Variants in ADGRB3 observed in about 807,000 individuals in gnomAD.
ADGRB3 encodes brain-specific angiogenesis inhibitor 3.
In ADGRB3, 37 loss-of-function variants were observed where a neutral mutation model predicts 193.4. The observed-to-expected ratio is 0.19, with a 90% CI of 0.15 to 0.25. The LOEUF is 0.25. Among genes scored for constraint, ADGRB3 ranks in the 10% least tolerant of loss-of-function variants. The pLI, the probability that ADGRB3 is intolerant of heterozygous loss-of-function variation, is 1.00. For synonymous variants in ADGRB3, 690 were observed against 644.2 expected (o/e 1.07, Z -1.08); for missense variants, 1,637 against 1,852.9 (o/e 0.88, Z 2.14).
At chr6:69,122,144 A>C (rs1773719986) in intron 17 of ADGRB3, among the ~76,000 whole-genome samples, 1 of 151,702 alleles carries the variant, frequency 6.6e-6, no homozygotes, top group African/African-American at 2.4e-5. Context: ...ACGCCACTGC[A>C]CTCCAGCCTG....
chr6:69,036,614 G>C (rs183492663), intron 13 of ADGRB3, among the ~76,000 whole-genome samples: 28 of 152,202 alleles, frequency 1.8e-4, no homozygotes, highest in African/African-American at 6.3e-4. Flanking sequence ...AGAAATGGGG[G>C]CTTGGATATC....
chr6:68,941,664 G>A (rs1030041746), intron 5 of ADGRB3, among the ~76,000 whole-genome samples: 1 of 141,830 alleles, frequency 7.1e-6, no homozygotes, highest in African/African-American at 3.1e-5. Flanking sequence ...AGGAGAAAAG[G>A]TTTTTAAAAT....
chr6:68,957,085 T>C (rs1768096983), intron 8 of ADGRB3, among the ~76,000 whole-genome samples: 1 of 152,188 alleles, frequency 6.6e-6, no homozygotes, highest in Non-Finnish European at 1.5e-5. Context: ...AATGAGAAGA[T>C]AAAGAAGTGT....
intron 20 of ADGRB3, among the ~76,000 whole-genome samples, chr6:69,264,232 A>T (rs1317376981): frequency 6.6e-6 from 1 of 152,040 alleles, no homozygotes; most frequent in East Asian, 1.9e-4. Context: ...CATGAAAGTT[A>T]AATAAAACTA....
intron 17 of ADGRB3, among the ~76,000 whole-genome samples, chr6:69,144,493 TAGAA>T (rs1052920099): frequency 6.6e-6 from 1 of 152,184 alleles, no homozygotes; most frequent in Non-Finnish European, 1.5e-5. Context: ...TTCCAGATCT[TAGAA>T]GGAAGGCTTT....
chr6:68,922,256 G>A (rs970048764), intron 3 of ADGRB3, among the ~76,000 whole-genome samples: 1 of 152,198 alleles, frequency 6.6e-6, no homozygotes, highest in Non-Finnish European at 1.5e-5. Flanking sequence ...TGTTGAATGA[G>A]TGAAATGTAT....
chr6:69,299,593 T>C (rs976789064), intron 20 of ADGRB3, among the ~76,000 whole-genome samples: 2 of 151,970 alleles, frequency 1.3e-5, no homozygotes, highest in African/African-American at 4.8e-5. Flanking sequence ...TTCATTCTTC[T>C]GCATATGGGT....
chr6:69,365,802 G>T (rs867259027), intron 29 of ADGRB3, among the ~76,000 whole-genome samples: 1 of 151,986 alleles, frequency 6.6e-6, no homozygotes, highest in African/African-American at 2.4e-5. Context: ...CAGCATAATG[G>T]TTTTTAAAGG....
chr6:68,751,805 G>A (rs1413583794), intron 3 of ADGRB3, among the ~76,000 whole-genome samples: 1 of 152,098 alleles, frequency 6.6e-6, no homozygotes, highest in African/African-American at 2.4e-5. Flanking sequence ...GGGGCATACT[G>A]TAATTATTTT....
At chr6:69,004,402 T>C (rs1318128520) in intron 11 of ADGRB3, among the ~76,000 whole-genome samples, 1 of 151,738 alleles carries the variant, frequency 6.6e-6, no homozygotes, top group Non-Finnish European at 1.5e-5. Context: ...AATATCCTCT[T>C]CTTTTTTTTT....
chr6:68,815,117 C>T (rs574482035), intron 3 of ADGRB3, among the ~76,000 whole-genome samples: 37 of 152,208 alleles, frequency 2.4e-4, no homozygotes, highest in African/African-American at 7.7e-4. Flanking sequence ...TATTCAACAT[C>T]GTGTTGGGAG....
At chr6:69,132,984 T>C (rs528469602) in intron 17 of ADGRB3, among the ~76,000 whole-genome samples, 1 of 152,220 alleles carries the variant, frequency 6.6e-6, no homozygotes, top group Admixed American at 6.5e-5. Context: ...CATTGGTCTA[T>C]ATATCTGTTT....
At chr6:68,763,970 G>C (rs757386336) in intron 3 of ADGRB3, among the ~76,000 whole-genome samples, 23 of 152,094 alleles carry the variant, frequency 1.5e-4, no homozygotes, top group Non-Finnish European at 2.5e-4. Context: ...CTACTCAGGA[G>C]GCTGAGACAG....
intron 17 of ADGRB3, among the ~76,000 whole-genome samples, chr6:69,112,652 C>A (rs1041429420): frequency 2.6e-4 from 40 of 151,534 alleles, no homozygotes; most frequent in Non-Finnish European, 7.4e-5. Context: ...AACTGCAGAT[C>A]AAAAATTAAA....
intron 17 of ADGRB3, among the ~76,000 whole-genome samples, chr6:69,128,700 T>A (rs552670778): frequency 3.4e-4 from 52 of 152,298 alleles, no homozygotes; most frequent in Admixed American, 7.8e-4. Flanking sequence ...TCAGACTCTT[T>A]TTCAAAATGT....
intron 3 of ADGRB3, among the ~76,000 whole-genome samples, chr6:68,800,138 T>A (rs1767284223): frequency 6.6e-6 from 1 of 152,080 alleles, no homozygotes; most frequent in South Asian, 2.1e-4. Flanking sequence ...ACTAGGAAGA[T>A]AGTGAGGAAT....
At chr6:68,746,250 A>G (rs1470381466) in intron 3 of ADGRB3, among the ~76,000 whole-genome samples, 1 of 151,618 alleles carries the variant, frequency 6.6e-6, no homozygotes, top group East Asian at 1.9e-4. Context: ...TACTATTTTA[A>G]TTTTTCTTTC....
intron 3 of ADGRB3, among the ~76,000 whole-genome samples, chr6:68,861,349 A>C (rs1167340892): frequency 6.6e-6 from 1 of 152,070 alleles, no homozygotes; most frequent in Admixed American, 6.5e-5. Flanking sequence ...CGAGGCAGGC[A>C]GATCACAAGG....
intron 26 of ADGRB3, among the ~76,000 whole-genome samples, chr6:69,351,958 A>G (rs947760827): frequency 2.0e-5 from 3 of 152,194 alleles, no homozygotes; most frequent in Non-Finnish European, 4.4e-5. Flanking sequence ...AGAAATCTTC[A>G]TGAGACAAGC....
Sources: allele counts gnomAD v4.1 joint callset (sites outside exome capture counted in the v4.1 genomes callset), GRCh38; gene constraint gnomAD v4.1.1; transcripts MANE v1.5; gene names NCBI Gene and HGNC (gene_info 2026-07-23, HGNC 2026-07-21).